DAPK2: variants seen among roughly 807,000 people sequenced by gnomAD.
The protein encoded by DAPK2 is death-associated protein kinase 2.
In DAPK2, 35 loss-of-function variants were observed where a neutral mutation model predicts 44.1. That is an observed-to-expected ratio of 0.79 (90% CI 0.61 to 1.05). DAPK2 has a LOEUF of 1.05. Ranked by LOEUF, DAPK2 falls within the 50% of genes least tolerant of loss-of-function variation. The probability of loss-of-function intolerance (pLI) is 0.00; values close to 1 mark genes in which losing one functional copy is unlikely to be tolerated. For missense variants in DAPK2, 453 were observed against 483.2 expected, an observed-to-expected ratio of 0.94 and a Z score of 0.59; for synonymous variants, 174 against 182.6, an observed-to-expected ratio of 0.95 and a Z score of 0.38.
intron 8 of DAPK2, chr15:63,922,732 C>T (rs751258210): frequency 2.6e-5 from 40 of 1,511,188 alleles, no homozygotes; most frequent in East Asian, 1.2e-4. Context: ...TGGATTCTGG[C>T]GATTAGAGCT....
intron 1 of DAPK2, among the ~76,000 whole-genome samples, chr15:63,996,018 T>C (rs868467357): frequency 6.6e-6 from 1 of 152,370 alleles, no homozygotes; most frequent in South Asian, 2.1e-4. Flanking sequence ...CTTTTTGTTA[T>C]CTTGGTACCA....
chr15:63,970,017 C>A (rs1013807844), intron 3 of DAPK2, among the ~76,000 whole-genome samples: 4 of 152,198 alleles, frequency 2.6e-5, no homozygotes, highest in Admixed American at 6.5e-5. Context: ...TCAGATTGAC[C>A]TCTGCAAAAG....
chr15:63,963,546 A>G (rs2077971066), intron 3 of DAPK2, among the ~76,000 whole-genome samples: 1 of 152,128 alleles, frequency 6.6e-6, no homozygotes, highest in Non-Finnish European at 1.5e-5. Context: ...TTTACATTCA[A>G]TGTTATTACT....
Position 63,966,759 on chromosome 15 carries a change from C to G in DAPK2, c.453+4664G>C, listed in dbSNP as rs1011586601. Among the ~76,000 whole-genome samples, 1 of 152,188 alleles carries G rather than the reference C, an allele frequency of 6.6e-6. No individual in the cohort carries two copies. Among genetic ancestry groups the G allele is most frequent in the African/African-American group, 2.4e-5 (1 of 41,434 alleles). On this transcript the variant is annotated intron_variant, in intron 3 of 10. Coordinates refer to ENST00000261891, the Ensembl canonical transcript of DAPK2. The surrounding 1 kb of genome is among the most constrained non-coding windows in gnomAD (Gnocchi z 5.5). ...CCACAATTGCTGCACTCTCCCTCCC[C>G]CAAGTGCACAGGTTCTTTCTCCATG...
chr15:64,005,430 C>T (rs1253516625), intron 1 of DAPK2, among the ~76,000 whole-genome samples: 3 of 151,060 alleles, frequency 2.0e-5, no homozygotes, highest in Non-Finnish European at 2.9e-5. Flanking sequence ...GTCATAGATG[C>T]CAGCCCAAGA....
At chr15:63,965,042 G>A (rs2078016022) in intron 3 of DAPK2, among the ~76,000 whole-genome samples, 2 of 152,102 alleles carry the variant, frequency 1.3e-5, no homozygotes, top group South Asian at 4.1e-4. Flanking sequence ...GAAGAATTAG[G>A]TATTTATTCT....
chr15:64,033,329 A>AGGAAGGAAGG (rs1158179065), intron 1 of DAPK2, among the ~76,000 whole-genome samples: 32 of 99,128 alleles, frequency 3.2e-4, no homozygotes, highest in African/African-American at 1.3e-3. Flanking sequence ...AGGAAGGAAA[A>AGGAAGGAAGG]AAAAAATAGC....
chr15:63,930,399 C>G lies in DAPK2; in HGVS notation c.632+8G>C. On this transcript the variant is annotated splice_region_variant and intron_variant, in intron 5 of 10. Coordinates refer to ENST00000261891, the Ensembl canonical transcript of DAPK2. ...CGCTAGGTCACCTGAGTGGCCTATCCAACTTACCACATGTCAGCCTCCAGA... is the reference window on the plus strand; with the variant it reads ...CGCTAGGTCACCTGAGTGGCCTATCGAACTTACCACATGTCAGCCTCCAGA... The G allele has an allele frequency of 3.1e-6, 5 of 1,614,162 alleles. No individual in the cohort carries two copies. Among genetic ancestry groups the G allele is most frequent in the Non-Finnish European group, 4.2e-6 (5 of 1,180,004 alleles).
chr15:63,945,077 C>T (rs2077413613), intron 3 of DAPK2, among the ~76,000 whole-genome samples: 1 of 152,174 alleles, frequency 6.6e-6, no homozygotes, highest in South Asian at 2.1e-4. Context: ...GTTGCCCAGA[C>T]TGGATTTAAA....
At chr15:63,961,461 G>T (rs971905046) in intron 3 of DAPK2, among the ~76,000 whole-genome samples, 3 of 152,226 alleles carry the variant, frequency 2.0e-5, no homozygotes, top group Non-Finnish European at 4.4e-5. Flanking sequence ...AATTTGGCAT[G>T]TTTTTGCAGT....
chr15:63,939,401 A>G lies in DAPK2; in HGVS notation c.454-40T>C. The G allele has an allele frequency of 6.4e-7, 1 of 1,553,732 alleles. No homozygotes were observed. Among genetic ancestry groups the G allele is most frequent in the Non-Finnish European group, 8.7e-7 (1 of 1,155,556 alleles). On this transcript the variant is annotated intron_variant, in intron 3 of 10. Coordinates refer to ENST00000261891, the Ensembl canonical transcript of DAPK2. The surrounding 1 kb of genome is among the most constrained non-coding windows in gnomAD (Gnocchi z 4.3). ...GTAGAAAAAAAAAAAAGGAAGGAAGAAAAGAAAAAAAAAGACGGTAATTAA... is the reference window on the plus strand; with the variant it reads ...GTAGAAAAAAAAAAAAGGAAGGAAGGAAAGAAAAAAAAAGACGGTAATTAA...
chr15:63,922,407 C>T, intron 8 of DAPK2: 1 of 1,089,074 alleles, frequency 9.2e-7, no homozygotes, highest in South Asian at 3.4e-5. Context: ...TGAACAAATC[C>T]TTCATCACAA....
rs1470587755 is a variant in DAPK2, at chr15:63,980,196, C to T, written c.314+3337G>A. On this transcript the variant is annotated intron_variant, in intron 2 of 10. Coordinates refer to ENST00000261891, the Ensembl canonical transcript of DAPK2. This position sits in a 1 kb window ranked among gnomAD's most constrained non-coding sequence, Gnocchi z 4.3. Reference sequence around the variant, plus strand: ...ACAACTGATGTTACAGATGGTGCACCTGAGCTCACAAGAAGCCGGCACATA... The same window carrying T: ...ACAACTGATGTTACAGATGGTGCACTTGAGCTCACAAGAAGCCGGCACATA... Among the ~76,000 whole-genome samples, 2 of 152,050 alleles carry T rather than the reference C, an allele frequency of 1.3e-5. No individual in the cohort carries two copies. The highest frequency in any genetic ancestry group is 1.9e-4 in the East Asian group (1 of 5,182).
chr15:63,942,895 C>A (rs944245420), intron 3 of DAPK2, among the ~76,000 whole-genome samples: 5 of 152,146 alleles, frequency 3.3e-5, no homozygotes, highest in African/African-American at 1.2e-4. Flanking sequence ...TCTCCCTCTA[C>A]TGGGTTGCCC....
chr15:63,992,323 G>A (rs911899135), intron 1 of DAPK2, among the ~76,000 whole-genome samples: 1 of 152,056 alleles, frequency 6.6e-6, no homozygotes, highest in African/African-American at 2.4e-5. Flanking sequence ...CTGAGGAAAT[G>A]CTGGGCTTGG....
rs146063209 is a variant in DAPK2, at chr15:63,955,075, A to C, written c.454-15714T>G. Among the ~76,000 whole-genome samples the C allele has an allele frequency of 4.9e-3, 752 of 152,358 alleles. 13 individuals are homozygous for C. The East Asian group carries it at 0.049, about 10-fold the overall frequency. The stretch of plus-strand genomic sequence containing the variant: ...TGGTGGAGTCTTCAGGTTTTTCCAA[A>C]TATGAGATCATATCTGCAAACAAGG... On this transcript the variant is annotated intron_variant, in intron 3 of 10. Coordinates refer to ENST00000261891, the Ensembl canonical transcript of DAPK2.
intron 1 of DAPK2, among the ~76,000 whole-genome samples, chr15:64,023,425 C>A (rs1217146730): frequency 6.6e-6 from 1 of 152,130 alleles, no homozygotes; most frequent in Non-Finnish European, 1.5e-5. Context: ...TACACACACA[C>A]GGTGGGGGAA....
At chr15:63,914,224 G>GGC (rs2078867837) in intron 8 of DAPK2, among the ~76,000 whole-genome samples, 1 of 150,722 alleles carries the variant, frequency 6.6e-6, no homozygotes, top group Non-Finnish European at 1.5e-5. Flanking sequence ...ACAGCTCCGG[G>GGC]GCGGGGGGTG....
At chr15:64,036,303 G>A (rs867933327) in intron 1 of DAPK2, among the ~76,000 whole-genome samples, 3,273 of 48,448 alleles carry the variant, frequency 0.068, 95 homozygotes, top group Non-Finnish European at 0.088. Flanking sequence ...GTGTGTGTGT[G>A]TGTGTGTATA....
Sources: allele counts gnomAD v4.1 joint callset (sites outside exome capture counted in the v4.1 genomes callset), GRCh38; gene constraint gnomAD v4.1.1; non-coding constraint Gnocchi (gnomAD v3.1); transcripts MANE v1.5; gene names NCBI Gene and HGNC (gene_info 2026-07-23, HGNC 2026-07-21).